Variants in BRCA1 observed in about 807,000 individuals in gnomAD.
BRCA1 encodes breast cancer type 1 susceptibility protein.
A neutral mutation model predicts 173.7 loss-of-function variants in BRCA1; 140 were observed. The observed-to-expected ratio is 0.81, with a 90% confidence interval of 0.70 to 0.93. The LOEUF (loss-of-function observed/expected upper bound fraction) is 0.93, where lower values mean the gene tolerates loss of function less well. BRCA1 is among the 40% of genes least tolerant of loss of function. BRCA1 has a pLI of 0.00. For missense variants in BRCA1, 1,983 were observed against 2,172.5 expected, an observed-to-expected ratio of 0.91 and a Z score of 1.73; for synonymous variants, 662 against 756.0, an observed-to-expected ratio of 0.88 and a Z score of 2.04.
rs56131654 is a variant in BRCA1, at chr17:43,050,999, A to G, written c.5332+64T>C. 5 of 1,508,926 alleles carry G rather than the reference A, an allele frequency of 3.3e-6. No homozygotes were observed. In the East Asian group the frequency reaches 9.0e-5, roughly 27 times the overall value. The allele number at this position is 1,508,926 out of a possible 1,614,324, so 93.5% of individuals were successfully genotyped here. Reference sequence around the variant, plus strand: ...GAACCCCCATCGTGGGATCTTGCTTATAATACTCCACTATGTAAGACAAAG... The same window carrying G: ...GAACCCCCATCGTGGGATCTTGCTTGTAATACTCCACTATGTAAGACAAAG... On this transcript the variant is annotated intron_variant, in intron 20 of 22. Coordinates refer to ENST00000357654, the MANE Select transcript of BRCA1 (RefSeq NM_007294.4).
upstream of BRCA1, chr17:43,125,519 T>A (rs2055843147): frequency 3.1e-6 from 1 of 324,600 alleles, no homozygotes; most frequent in Non-Finnish European, 6.1e-6. Flanking sequence ...GAGCCAAGCG[T>A]CTCTCGGGGC....
At chr17:43,060,151 A>G (rs2051684091) in intron 18 of BRCA1, among the ~76,000 whole-genome samples, 1 of 151,704 alleles carries the variant, frequency 6.6e-6, no homozygotes, top group South Asian at 2.1e-4. Flanking sequence ...GCTCACCACA[A>G]CCTCCACCTC....
At chr17:43,079,781 T>C (rs575962054) in intron 12 of BRCA1, 9 of 955,562 alleles carry the variant, frequency 9.4e-6, no homozygotes, top group South Asian at 5.5e-5. Flanking sequence ...CATGGCATAA[T>C]AGGTGTTAAA....
Position 43,092,371 on chromosome 17 carries a change from C to T in BRCA1, c.3160G>A (p.Val1054Met), listed in dbSNP as rs876658479. 2 of 1,613,766 alleles carry T rather than the reference C, an allele frequency of 1.2e-6. No individual in the cohort carries two copies. The highest frequency in any genetic ancestry group is 1.7e-6 in the Non-Finnish European group (2 of 1,179,960). ...CCTATTTCATTAATACTGGAGCCCACTTCATTAGTACTGGAACCTACTTCA... is the reference window on the plus strand; with the variant it reads ...CCTATTTCATTAATACTGGAGCCCATTTCATTAGTACTGGAACCTACTTCA... ...INEVGSSTNEVGSSINEIGSS... is the reference protein window; with the variant it reads ...INEVGSSTNEMGSSINEIGSS... The change falls in exon 10 of 23, where the codon GTG becomes ATG. Residue 1054 changes from valine (V) to methionine (M), a missense_variant. Coordinates refer to ENST00000357654, the MANE Select transcript of BRCA1 (RefSeq NM_007294.4).
At chr17:43,126,051 G>T (rs2055863951), upstream of BRCA1, among the ~76,000 whole-genome samples, 1 of 152,204 alleles carries the variant, frequency 6.6e-6, no homozygotes, top group Non-Finnish European at 1.5e-5. Context: ...CAACTCTTTA[G>T]GGAGACTACA....
At chr17:43,118,193 G>A (rs1421014240) in intron 2 of BRCA1, among the ~76,000 whole-genome samples, 1 of 152,052 alleles carries the variant, frequency 6.6e-6, no homozygotes, top group African/African-American at 2.4e-5. Flanking sequence ...AAGAAAGAGG[G>A]AGCAGAGAAG....
intron 20 of BRCA1, among the ~76,000 whole-genome samples, chr17:43,050,567 C>T (rs950928150): frequency 2.0e-5 from 3 of 149,990 alleles, no homozygotes; most frequent in Non-Finnish European, 3.0e-5. Context: ...GAGCCGAGAT[C>T]GCGCCATTGC....
At chr17:43,076,771 T>G (rs1165396494) in intron 12 of BRCA1, among the ~76,000 whole-genome samples, 157 bp from the exon 13 acceptor site, 1 of 151,808 alleles carries the variant, frequency 6.6e-6, no homozygotes, top group Non-Finnish European at 1.5e-5. Context: ...ACACAAGCAA[T>G]GCAACAGACA....
chr17:43,136,280 TAACTC>T (rs1177343999), intron 1 of BRCA1, among the ~76,000 whole-genome samples: 2 of 152,082 alleles, frequency 1.3e-5, no homozygotes, highest in Admixed American at 6.6e-5. Context: ...ATACAAAAAT[TAACTC>T]AAGGTGGATT....
At chr17:43,144,501 T>G (rs2056103979) in intron 1 of BRCA1, among the ~76,000 whole-genome samples, 1 of 152,110 alleles carries the variant, frequency 6.6e-6, no homozygotes, top group East Asian at 1.9e-4. Flanking sequence ...TCTGAGGATA[T>G]GTTTTTAGGT....
chr17:43,062,427 A>T (rs762020342), intron 18 of BRCA1, among the ~76,000 whole-genome samples: 4 of 152,128 alleles, frequency 2.6e-5, no homozygotes, highest in Non-Finnish European at 5.9e-5. Context: ...TTCTTCAACA[A>T]CAGTGAACAG....
chr17:43,153,090 C>T (rs1007126022), intron 1 of BRCA1, among the ~76,000 whole-genome samples: 6 of 151,912 alleles, frequency 3.9e-5, no homozygotes, highest in East Asian at 3.9e-4. Context: ...TGGTTAAGAG[C>T]GAAGGGAAGG....
chr17:43,147,347 G>A (rs906439350), intron 1 of BRCA1, among the ~76,000 whole-genome samples: 3 of 152,236 alleles, frequency 2.0e-5, no homozygotes, highest in East Asian at 3.9e-4. Flanking sequence ...CCGCCACCAC[G>A]CCCGGCTAAT....
In BRCA1 at chr17:43,100,655, AAC is replaced by A. The variant is rs1567807480; in HGVS notation, c.442-777_442-776del. Among the ~76,000 whole-genome samples the A allele has an allele frequency of 4.5e-4, 12 of 26,406 alleles. 2 individuals carry two copies. Among genetic ancestry groups the A allele is most frequent in the East Asian group, 2.9e-3 (2 of 688 alleles). 17.3% of individuals were successfully genotyped at this position (26,406 alleles called of 152,430 possible). On this transcript the variant is annotated intron_variant, in intron 6 of 22. Transcript: ENST00000357654. Reference sequence around the variant, plus strand: ...TGTTATATATATATAACATATATATAACATATATATATATATATATATAATAT... The same window carrying A: ...TGTTATATATATATAACATATATATAATATATATATATATATATATAATAT...
chr17:43,147,123 T>C (rs867667555), intron 1 of BRCA1, among the ~76,000 whole-genome samples: 2 of 152,130 alleles, frequency 1.3e-5, no homozygotes, highest in African/African-American at 4.8e-5. Context: ...TGCCTTAGCC[T>C]CCCAAGTAGC....
In BRCA1 at chr17:43,104,151, GA is replaced by G. The variant is rs886040205; in HGVS notation, c.411del (p.Leu138TyrfsTer25). The G allele has an allele frequency of 6.2e-7, 1 of 1,613,968 alleles. No homozygotes were observed. The highest frequency in any genetic ancestry group is 8.5e-7 in the Non-Finnish European group (1 of 1,179,956). Reference sequence around the variant, plus strand: ...GAAGGATTTTCGGGTTCACTCTGTAGAAGTCTTTTGGCACGGTTTCTGTAGC... The same window carrying G: ...GAAGGATTTTCGGGTTCACTCTGTAGAGTCTTTTGGCACGGTTTCTGTAGC... ...SMGYRNRAKR[L>X]LQSEPENPSL... On this transcript the variant is annotated frameshift_variant, in exon 6 of 23. Transcript: ENST00000357654. LOFTEE classifies it high-confidence loss of function.
chr17:43,130,354 A>G (rs1462308920), upstream of BRCA1, among the ~76,000 whole-genome samples: 1 of 151,956 alleles, frequency 6.6e-6, no homozygotes. Context: ...TCGCTCTATC[A>G]CCCAGGCGGG....
intron 3 of BRCA1, among the ~76,000 whole-genome samples, chr17:43,115,481 G>A (rs911501253): frequency 2.0e-5 from 3 of 147,610 alleles, no homozygotes; most frequent in East Asian, 2.0e-4. Context: ...CAGCCTGGGC[G>A]ACAGAGCGAG....
intron 1 of BRCA1, among the ~76,000 whole-genome samples, chr17:43,156,680 C>T (rs1027922506): frequency 6.6e-6 from 1 of 152,034 alleles, no homozygotes; most frequent in Admixed American, 6.6e-5. Flanking sequence ...AGAAATTCTC[C>T]GTAAAAGAAA....
Sources: gnomAD v4.1 joint callset for allele counts (sites outside exome capture counted in the v4.1 genomes callset) on GRCh38, gnomAD v4.1.1 for gene constraint, MANE v1.5 for transcripts, NCBI Gene and HGNC (gene_info 2026-07-23, HGNC 2026-07-21) for gene names.